Variants in TAFA2 observed in about 807,000 individuals in gnomAD.
The protein encoded by TAFA2 is TAFA chemokine like family member 2.
TAFA2 carries 7 observed loss-of-function variants against 18.8 expected under a neutral mutation model. That is an observed-to-expected ratio of 0.37 (90% CI 0.21 to 0.70). TAFA2 has a LOEUF of 0.70. Ranked by LOEUF, TAFA2 falls within the 30% of genes least tolerant of loss-of-function variation. The pLI is 0.53. For synonymous variants in TAFA2, 60 were observed against 54.2 expected, an observed-to-expected ratio of 1.11 and a Z score of -0.47; for missense variants, 122 against 158.1, an observed-to-expected ratio of 0.77 and a Z score of 1.23.
At chr12:61,887,450 ATACTTT>A (rs2121288281) in intron 1 of TAFA2, among the ~76,000 whole-genome samples, 1 of 151,316 alleles carries the variant, frequency 6.6e-6, no homozygotes, top group South Asian at 2.1e-4. Flanking sequence ...TTTTTTTATT[ATACTTT>A]AAGTTTTAGG....
At chr12:62,115,019 A>G (rs1869900075) in intron 1 of TAFA2, among the ~76,000 whole-genome samples, 1 of 152,200 alleles carries the variant, frequency 6.6e-6, no homozygotes, top group South Asian at 2.1e-4. Flanking sequence ...ATTTAGACCA[A>G]CATTAAATTC....
At chr12:61,884,421 C>A (rs1057339502) in intron 1 of TAFA2, among the ~76,000 whole-genome samples, 1 of 152,144 alleles carries the variant, frequency 6.6e-6, no homozygotes, top group Non-Finnish European at 1.5e-5. Flanking sequence ...GACAGTAGCT[C>A]ATATGACACC....
rs540897670 is a variant in TAFA2 at position 61,941,601 on chromosome 12, G to C, written c.-1-74175C>G. Among the ~76,000 whole-genome samples the C allele has an allele frequency of 9.7e-3, 1,471 of 151,838 alleles. 38 individuals carry two copies. Among genetic ancestry groups the C allele is most frequent in the African/African-American group, 0.033 (1,384 of 41,334 alleles). ...GCGCAGGCCAGTGGGTGCGTGCACC[G>C]TGCGTGAGCCGAAGCAGGGCGAGGC... On this transcript the variant is annotated intron_variant, in intron 1 of 4. Coordinates refer to ENST00000416284, the MANE Select transcript of TAFA2 (RefSeq NM_178539.5).
At chr12:61,839,641 GC>G (rs1203325399) in intron 2 of TAFA2, among the ~76,000 whole-genome samples, 1 of 152,026 alleles carries the variant, frequency 6.6e-6, no homozygotes, top group Non-Finnish European at 1.5e-5. Flanking sequence ...GCATATTAAT[GC>G]AGAAACAGAA....
At chr12:61,778,222 T>C (rs918266796) in intron 2 of TAFA2, among the ~76,000 whole-genome samples, 2 of 151,876 alleles carry the variant, frequency 1.3e-5, no homozygotes, top group Non-Finnish European at 2.9e-5. Flanking sequence ...AAGGATTAAC[T>C]GGATTCAAAG....
chr12:61,854,256 A>AT (rs1873795182), intron 2 of TAFA2, among the ~76,000 whole-genome samples: 1 of 152,158 alleles, frequency 6.6e-6, no homozygotes, highest in Non-Finnish European at 1.5e-5. Flanking sequence ...TAAAAGTACA[A>AT]TAAGAAGATA....
At chr12:61,998,913 C>T (rs180691136) in intron 1 of TAFA2, among the ~76,000 whole-genome samples, 1 of 152,294 alleles carries the variant, frequency 6.6e-6, no homozygotes, top group Non-Finnish European at 1.5e-5. Flanking sequence ...ATTCACCTCC[C>T]GTATTGCAGG....
chr12:62,015,326 A>G (rs1262009031), intron 1 of TAFA2, among the ~76,000 whole-genome samples: 1 of 152,228 alleles, frequency 6.6e-6, no homozygotes, highest in Non-Finnish European at 1.5e-5. Context: ...TACAATAAAT[A>G]TTTGATGAAT....
intron 1 of TAFA2, among the ~76,000 whole-genome samples, chr12:62,044,504 G>T (rs1881856487): frequency 6.6e-6 from 1 of 152,110 alleles, no homozygotes; most frequent in Non-Finnish European, 1.5e-5. Context: ...CGCATAACCT[G>T]AATTCTGGCT....
intron 1 of TAFA2, among the ~76,000 whole-genome samples, chr12:62,076,032 C>T (rs17713184): frequency 0.1 from 15,203 of 152,162 alleles, 962 homozygotes; most frequent in Non-Finnish European, 0.14. Flanking sequence ...CTGAACTGAG[C>T]CAAAATCCAC....
At chr12:62,111,267 G>T (rs1239348154) in intron 1 of TAFA2, among the ~76,000 whole-genome samples, 1 of 152,136 alleles carries the variant, frequency 6.6e-6, no homozygotes, top group Non-Finnish European at 1.5e-5. Flanking sequence ...TCAGGACCAG[G>T]TTGTTCAGTT....
intron 1 of TAFA2, among the ~76,000 whole-genome samples, chr12:61,979,700 G>T (rs1397248040): frequency 6.6e-6 from 1 of 151,840 alleles, no homozygotes; most frequent in Non-Finnish European, 1.5e-5. Context: ...AGGAAATAAA[G>T]AAGAAAAGAA....
At chr12:61,753,563 A>G (rs1869119888) in intron 4 of TAFA2, 59 bp downstream of exon 4, 1 of 1,515,478 alleles carries the variant, frequency 6.6e-7, no homozygotes, top group East Asian at 2.3e-5. Context: ...TTACTGCACA[A>G]GCTCCGTTCT....
At chr12:61,956,818 T>C (rs553769615) in intron 1 of TAFA2, among the ~76,000 whole-genome samples, 3 of 152,230 alleles carry the variant, frequency 2.0e-5, no homozygotes, top group East Asian at 3.9e-4. Flanking sequence ...CTTTCTTCAA[T>C]GGGTGTGTCA....
At chr12:61,981,470 A>C (rs1295610503) in intron 1 of TAFA2, among the ~76,000 whole-genome samples, 1 of 152,226 alleles carries the variant, frequency 6.6e-6, no homozygotes, top group African/African-American at 2.4e-5. Flanking sequence ...GGATCTAATT[A>C]AACTAAAGAG....
chr12:62,188,491 T>C (rs1281157507), intron 1 of TAFA2, among the ~76,000 whole-genome samples: 2 of 152,212 alleles, frequency 1.3e-5, no homozygotes, highest in Non-Finnish European at 2.9e-5. Context: ...TAAATGTTCA[T>C]CAGTTTGCAG....
chr12:61,840,620 C>T lies in TAFA2; in HGVS notation c.106+26700G>A, dbSNP rs1873131711. On this transcript the variant is annotated intron_variant, in intron 2 of 4. Transcript: ENST00000416284. ...CTTGAGAGATGGCAGAATAAATGAG[C>T]CAGCCCAAAAATCTCAGATATAGCT... is the stretch of plus-strand genomic sequence containing the variant. Among the ~76,000 whole-genome samples, 7 of 151,936 alleles carry T rather than the reference C, an allele frequency of 4.6e-5. No individual in the cohort carries two copies. The South Asian group carries it at 1.2e-3, about 27-fold the overall frequency.
chr12:62,136,690 A>G (rs1870908254), intron 1 of TAFA2, among the ~76,000 whole-genome samples: 1 of 152,186 alleles, frequency 6.6e-6, no homozygotes, highest in African/African-American at 2.4e-5. Flanking sequence ...AAGCCAGGAT[A>G]ACATCTTCTA....
intron 1 of TAFA2, among the ~76,000 whole-genome samples, chr12:62,115,415 C>T (rs1869921288): frequency 6.6e-6 from 1 of 152,112 alleles, no homozygotes; most frequent in Non-Finnish European, 1.5e-5. Context: ...AGCCTCTAGC[C>T]TTGGATCAAG....
Sources: allele counts gnomAD v4.1 joint callset (sites outside exome capture counted in the v4.1 genomes callset), GRCh38; gene constraint gnomAD v4.1.1; transcripts MANE v1.5; gene names NCBI Gene and HGNC (gene_info 2026-07-23, HGNC 2026-07-21).